The following CCND3 variants were observed in gnomAD, a reference collection of about 807,000 sequenced individuals.
CCND3 encodes cyclin D3.
In CCND3, 9 loss-of-function variants were observed where a neutral mutation model predicts 28.7. That is an observed-to-expected ratio of 0.31 (90% confidence interval 0.19 to 0.55). The LOEUF is 0.55. Ranked by LOEUF, CCND3 falls within the 20% of genes least tolerant of loss-of-function variation. The probability of loss-of-function intolerance (pLI) is 0.93; values close to 1 mark genes in which losing one functional copy is unlikely to be tolerated. For missense variants in CCND3, 315 were observed against 385.8 expected (o/e 0.82, Z 1.54); for synonymous variants, 164 against 163.9 (o/e 1.00, Z 0.00).
At chr6:41,984,318 T>C (rs1281908051) in intron 1 of CCND3, among the ~76,000 whole-genome samples, 1 of 151,904 alleles carries the variant, frequency 6.6e-6, no homozygotes, top group Non-Finnish European at 1.5e-5. Flanking sequence ...GAAGTTGGAG[T>C]GCTGGATCAT....
rs566510550 is a variant in CCND3, at chr6:41,982,968, T to C, written c.-45-42383A>G. Among the ~76,000 whole-genome samples, 3 of 151,016 alleles carry C rather than the reference T, an allele frequency of 2.0e-5. No homozygotes were observed. In the South Asian group the frequency reaches 6.3e-4, roughly 32 times the overall value. On this transcript the variant is annotated intron_variant, in intron 1 of 4. Coordinates refer to the CCND3 transcript ENST00000372988. ...TAAAAATGGATCATAGACCTAAATG[T>C]AAAATACAAAACCATAAAACTCCTA...
At chr6:41,979,171 CAAAAA>C (rs58797317) in intron 1 of CCND3, among the ~76,000 whole-genome samples, 11 of 87,528 alleles carry the variant, frequency 1.3e-4, no homozygotes, top group African/African-American at 4.6e-4. Context: ...AACTCTGTCT[CAAAAA>C]AAAAAAAAAA....
At position 42,048,540 on chromosome 6, in the gene CCND3, C is replaced by G. The variant is rs1399041521; in HGVS notation, c.-85G>C. On this transcript the variant is annotated 5_prime_UTR_variant, in exon 1 of 5. Transcript: ENST00000372988. The surrounding 1 kb of genome is among the most constrained non-coding windows in gnomAD (Gnocchi z 4.7). ...ACCTCCCCGGAGCACCGACTGGGGT[C>G]GCAGGCGCTCTGTCCCGCCGCCTCC... is the stretch of plus-strand genomic sequence containing the variant. 1.2e-5 allele frequency: 6 copies of G among 514,806 alleles called. No homozygotes were observed. The highest frequency in any genetic ancestry group is 1.9e-5 in the Non-Finnish European group (5 of 258,284). The allele number at this position is 514,806 out of a possible 1,614,324, so 31.9% of individuals were successfully genotyped here.
rs544892278 is a variant in CCND3 at position 42,027,384 on chromosome 6, G to A, written c.-46+21117C>T. 1.4e-3 allele frequency among the ~76,000 whole-genome samples: 211 copies of A among 151,462 alleles called. 1 individual carries two copies. Among genetic ancestry groups the A allele is most frequent in the African/African-American group, 4.6e-3 (191 of 41,134 alleles). On this transcript the variant is annotated intron_variant, in intron 1 of 4. Transcript: ENST00000372988. Reference sequence around the variant, plus strand: ...GAACGCGGGAGGCAGAGCTTGCAGCGAGCCGAGATCGCGCCACTGCACTCC... The same window carrying A: ...GAACGCGGGAGGCAGAGCTTGCAGCAAGCCGAGATCGCGCCACTGCACTCC...
rs772818142 is a variant in CCND3, at chr6:41,959,679, T to TCCGTCTCAAAAAAAAAAAAAA, written c.-45-19095_-45-19094insTTTTTTTTTTTTTTGAGACGG. ...CTCCAGCCTGGCGACACAGCAAGAC[T>TCCGTCTCAAAAAAAAAAAAAA]AAATCAGGCCAGGCGCGGTGGCTCA... On this transcript the variant is annotated intron_variant, in intron 1 of 4. Coordinates refer to the CCND3 transcript ENST00000372988. Among the ~76,000 whole-genome samples, 106 of 147,174 alleles carry TCCGTCTCAAAAAAAAAAAAAA rather than the reference T, an allele frequency of 7.2e-4. 4 individuals are homozygous for TCCGTCTCAAAAAAAAAAAAAA. The highest frequency in any genetic ancestry group is 5.3e-3 in the East Asian group (26 of 4,904).
At chr6:41,973,832 C>T (rs971197521) in intron 1 of CCND3, among the ~76,000 whole-genome samples, 3 of 152,208 alleles carry the variant, frequency 2.0e-5, no homozygotes, top group Non-Finnish European at 4.4e-5. Context: ...GGATATACCA[C>T]ACAGGGTTTT....
chr6:42,025,574 A>G (rs1277122336), intron 1 of CCND3, among the ~76,000 whole-genome samples: 9 of 152,134 alleles, frequency 5.9e-5, no homozygotes, highest in Non-Finnish European at 1.0e-4. Context: ...TGTGAGAGGG[A>G]AGTGAAACCG....
At position 41,941,401 on chromosome 6, in the gene CCND3, G is replaced by T. The variant is rs1330901817; in HGVS notation, c.198+51C>A. ...GGGATGTCCCGACAGGGCGGCCCCG[G>T]TGTGTCCAGACCCGGGAGCGGTGGG... On this transcript the variant is annotated intron_variant, in intron 1 of 4. Transcript: ENST00000372991. The surrounding 1 kb of genome is among the most constrained non-coding windows in gnomAD (Gnocchi z 6.1). 1 of 1,593,990 alleles carries T rather than the reference G, an allele frequency of 6.3e-7. No individual in the cohort carries two copies. The highest frequency in any genetic ancestry group is 2.3e-4 in the Middle Eastern group (1 of 4,362).
intron 1 of CCND3, among the ~76,000 whole-genome samples, chr6:41,952,991 A>G (rs1319564534): frequency 2.0e-5 from 3 of 152,116 alleles, no homozygotes; most frequent in East Asian, 3.9e-4. Context: ...ACTGCAAAAC[A>G]GGGGGTGCAG....
At chr6:41,997,973 T>C (rs1762859276) in intron 1 of CCND3, among the ~76,000 whole-genome samples, 1 of 28,220 alleles carries the variant, frequency 3.5e-5, no homozygotes, top group South Asian at 2.2e-3. Context: ...AAACCCAGTA[T>C]CTACTAAAAA....
intron 1 of CCND3, among the ~76,000 whole-genome samples, chr6:41,999,217 GA>G (rs56036129): frequency 0.98 from 148,231 of 151,324 alleles, 72,669 homozygotes; most frequent in East Asian, 1. Context: ...ACTCTGTCTC[GA>G]AAAAAAAAAA....
At chr6:41,948,585 TC>T in intron 1 of CCND3, among the ~76,000 whole-genome samples, 1 of 152,158 alleles carries the variant, frequency 6.6e-6, no homozygotes, top group South Asian at 2.1e-4. Flanking sequence ...ACGCCTGTAA[TC>T]CCAGCACTTT....
chr6:41,936,288 G>C lies in CCND3; in HGVS notation c.712-181C>G, dbSNP rs1000782967. 27 of 709,434 alleles carry C rather than the reference G, an allele frequency of 3.8e-5. No homozygotes were observed. The highest frequency in any genetic ancestry group is 1.2e-4 in the Admixed American group (4 of 33,844). The allele number at this position is 709,434 out of a possible 1,614,324, so 43.9% of individuals were successfully genotyped here. On this transcript the variant is annotated intron_variant, in intron 4 of 4. Transcript: ENST00000372991. This position sits in a 1 kb window ranked among gnomAD's most constrained non-coding sequence, Gnocchi z 4.4. ...AAGAGGATGTGGCAAGGGAGTGTGA[G>C]AGCAGCCCTGCATCTGACACCAAAC...
Position 42,024,402 on chromosome 6 carries a change from C to CAAA in CCND3, c.-46+24096_-46+24098dup, listed in dbSNP as rs35756902. Among the ~76,000 whole-genome samples the CAAA allele has an allele frequency of 2.4e-5, 3 of 126,786 alleles. 1 individual carries two copies. Among genetic ancestry groups the CAAA allele is most frequent in the Non-Finnish European group, 3.3e-5 (2 of 60,754 alleles). 83.2% of individuals were successfully genotyped at this position (126,786 alleles called of 152,430 possible). On this transcript the variant is annotated intron_variant, in intron 1 of 4. Coordinates refer to the CCND3 transcript ENST00000372988. The stretch of plus-strand genomic sequence containing the variant: ...TGGGTGACAGAGCAAGACTCAGTCT[C>CAAA]AAAAAAAAAAAATAATAATAATTCA...
chr6:42,001,067 C>A (rs367868833), intron 1 of CCND3, among the ~76,000 whole-genome samples: 5 of 151,516 alleles, frequency 3.3e-5, no homozygotes, highest in African/African-American at 7.3e-5. Context: ...GAAACCCCAT[C>A]TCTACTAAAA....
At chr6:41,990,380 T>G (rs535584870) in intron 1 of CCND3, among the ~76,000 whole-genome samples, 1 of 152,084 alleles carries the variant, frequency 6.6e-6, no homozygotes, top group African/African-American at 2.4e-5. Flanking sequence ...CCAAAAGCAA[T>G]CTACAGATTC....
At chr6:41,937,513 A>G in intron 2 of CCND3, 119 bp from the exon 3 acceptor site, 2 of 1,203,488 alleles carry the variant, frequency 1.7e-6, no homozygotes, top group African/African-American at 1.5e-5. Flanking sequence ...CCAAGACCCC[A>G]GTTCTGTTTC....
At chr6:42,037,239 C>T (rs1195771462) in intron 1 of CCND3, among the ~76,000 whole-genome samples, 2 of 146,818 alleles carry the variant, frequency 1.4e-5, no homozygotes, top group East Asian at 2.0e-4. Flanking sequence ...TGTGCCCGGC[C>T]GTTTTGTTTT....
intron 1 of CCND3, among the ~76,000 whole-genome samples, chr6:41,998,686 T>TA (rs1249459228): frequency 6.7e-6 from 1 of 148,780 alleles, no homozygotes; most frequent in African/African-American, 2.4e-5. Flanking sequence ...GCATTATTAT[T>TA]TTTTTTTTTT....
Sources: allele counts gnomAD v4.1 joint callset (sites outside exome capture counted in the v4.1 genomes callset), GRCh38; gene constraint gnomAD v4.1.1; non-coding constraint Gnocchi (gnomAD v3.1); transcripts MANE v1.5; gene names NCBI Gene and HGNC (gene_info 2026-07-23, HGNC 2026-07-21).